CCDC57: variants seen among roughly 807,000 people sequenced by gnomAD.
CCDC57 encodes coiled-coil domain containing 57.
A neutral mutation model predicts 118.9 loss-of-function variants in CCDC57; 118 were observed. That is an observed-to-expected ratio of 0.99 (90% CI 0.86 to 1.16). The LOEUF is 1.16. CCDC57 is among the 50% of genes most tolerant of loss of function. The pLI, the probability that CCDC57 is intolerant of heterozygous loss-of-function variation, is 0.00. For synonymous variants in CCDC57, 527 were observed against 532.9 expected, an observed-to-expected ratio of 0.99 and a Z score of 0.15; for missense variants, 1,300 against 1,320.7, an observed-to-expected ratio of 0.98 and a Z score of 0.24.
At chr17:82,148,120 T>C (rs1312271460) in intron 16 of CCDC57, among the ~76,000 whole-genome samples, 5 of 105,470 alleles carry the variant, frequency 4.7e-5, no homozygotes, top group Non-Finnish European at 7.8e-5. Context: ...AGTGGTTGGA[T>C]GGTTAGATGG....
intron 19 of CCDC57, among the ~76,000 whole-genome samples, chr17:82,123,761 T>C (rs998246421): frequency 6.6e-5 from 10 of 152,012 alleles, no homozygotes; most frequent in Non-Finnish European, 1.0e-4. Flanking sequence ...AAAAATTCCA[T>C]TTAAGTTAAA....
intron 19 of CCDC57, among the ~76,000 whole-genome samples, chr17:82,123,744 C>G (rs2037047618): frequency 6.6e-6 from 1 of 151,806 alleles, no homozygotes; most frequent in South Asian, 2.1e-4. Flanking sequence ...AATCTAGAAA[C>G]TTAAGGAAAA....
chr17:82,183,977 A>G (rs2046526096), intron 8 of CCDC57, 45 bp from the exon 8 acceptor site: 1 of 1,555,356 alleles, frequency 6.4e-7, no homozygotes, highest in Non-Finnish European at 8.8e-7. Context: ...CTCACTCACT[A>G]AAGTTGTCTC....
At chr17:82,163,158 C>T (rs369884256) in intron 14 of CCDC57, 42 bp downstream of exon 13, 162 of 1,597,826 alleles carry the variant, frequency 1.0e-4, no homozygotes, top group Middle Eastern at 1.7e-4. Context: ...CCCCCAGCAG[C>T]GGCTCTCTAG....
intron 16 of CCDC57, 79 bp downstream of exon 15, chr17:82,151,480 AC>A (rs2042063887): frequency 8.1e-6 from 11 of 1,351,136 alleles, no homozygotes; most frequent in Middle Eastern, 4.0e-4. Context: ...CACATCCAGA[AC>A]CTGGCGCACA....
chr17:82,204,619 T>G (rs2049389500), intron 2 of CCDC57, among the ~76,000 whole-genome samples: 1 of 152,050 alleles, frequency 6.6e-6, no homozygotes, highest in Non-Finnish European at 1.5e-5. Context: ...CCGTCTCTAC[T>G]AAAAATACAA....
At chr17:82,107,132 C>T (rs1434996504) in intron 19 of CCDC57, among the ~76,000 whole-genome samples, 1 of 152,250 alleles carries the variant, frequency 6.6e-6, no homozygotes, top group Admixed American at 6.5e-5. Flanking sequence ...AGCTGCCCGA[C>T]CTGCTCAGGA....
intron 9 of CCDC57, among the ~76,000 whole-genome samples, chr17:82,181,680 C>T (rs760551071): frequency 2.0e-5 from 3 of 152,090 alleles, no homozygotes; most frequent in Non-Finnish European, 2.9e-5. Flanking sequence ...GCAGCTATTA[C>T]AAATAAGTTC....
At chr17:82,177,415 C>A (rs768982927) in intron 11 of CCDC57, among the ~76,000 whole-genome samples, 2 of 152,008 alleles carry the variant, frequency 1.3e-5, no homozygotes, top group Non-Finnish European at 2.9e-5. Context: ...CGTGGTGATG[C>A]GCACCTGTGG....
chr17:82,197,430 G>T (rs1353020160), intron 4 of CCDC57, among the ~76,000 whole-genome samples: 1 of 152,264 alleles, frequency 6.6e-6, no homozygotes. Flanking sequence ...TCTCTTGGAG[G>T]TGTAGGCTGA....
At chr17:82,187,114 G>A (rs749280232) in intron 8 of CCDC57, among the ~76,000 whole-genome samples, 8 of 151,368 alleles carry the variant, frequency 5.3e-5, no homozygotes, top group Non-Finnish European at 8.8e-5. Context: ...GTATATGCCC[G>A]TAATGCCAGC....
At chr17:82,158,020 C>T in intron 14 of CCDC57, 72 bp from the exon 14 acceptor site, 2 of 1,492,296 alleles carry the variant, frequency 1.3e-6, no homozygotes, top group Admixed American at 2.2e-5. Flanking sequence ...TGGGCACTGA[C>T]AGGAAGCGCT....
chr17:82,136,013 A>T (rs1291655222), intron 16 of CCDC57, among the ~76,000 whole-genome samples: 1 of 152,226 alleles, frequency 6.6e-6, no homozygotes, highest in East Asian at 1.9e-4. Context: ...GCAGATGTGG[A>T]GAAATCAGAA....
chr17:82,113,610 C>A, intron 19 of CCDC57: 2 of 717,596 alleles, frequency 2.8e-6, no homozygotes, highest in Non-Finnish European at 2.6e-6. Flanking sequence ...ACCAAGCTCG[C>A]CTCCTGGTTC....
intron 19 of CCDC57, chr17:82,126,963 C>G (rs1368456723): frequency 1.0e-6 from 1 of 985,278 alleles, no homozygotes; most frequent in Non-Finnish European, 1.2e-6. Flanking sequence ...CCACATCACA[C>G]GTCCCGCAAC....
At chr17:82,114,736 C>T (rs1598640308) in intron 19 of CCDC57, among the ~76,000 whole-genome samples, 1 of 152,236 alleles carries the variant, frequency 6.6e-6, no homozygotes, top group Admixed American at 6.5e-5. Flanking sequence ...CACTGGAGCC[C>T]ACCAAACCTC....
chr17:82,157,826 C>A, exon 15 of CCDC57: 1 of 1,604,486 alleles, frequency 6.2e-7, no homozygotes, highest in Non-Finnish European at 8.5e-7. Flanking sequence ...GCTGGGCTAT[C>A]CTGAGATGCT....
At chr17:82,152,890 A>G (rs536882165) in intron 15 of CCDC57, among the ~76,000 whole-genome samples, 1 of 152,230 alleles carries the variant, frequency 6.6e-6, no homozygotes, top group Admixed American at 6.5e-5. Flanking sequence ...TTCATGTGGG[A>G]CGCTCGGGGG....
intron 1 of CCDC57, among the ~76,000 whole-genome samples, chr17:82,210,592 A>G (rs1366680482): frequency 2.6e-5 from 4 of 151,568 alleles, no homozygotes; most frequent in Non-Finnish European, 5.9e-5. Context: ...AGGCAGGACA[A>G]TCACTTGAAC....
Sources: allele counts gnomAD v4.1 joint callset (sites outside exome capture counted in the v4.1 genomes callset), GRCh38; gene constraint gnomAD v4.1.1; transcripts MANE v1.5; gene names NCBI Gene and HGNC (gene_info 2026-07-23, HGNC 2026-07-21).